Variants in ATP2B2 observed in about 807,000 individuals in gnomAD.
ATP2B2 encodes the protein plasma membrane calcium-transporting ATPase 2.
Under a neutral mutation model 120.0 loss-of-function variants are expected in ATP2B2, and 15 were observed. The observed-to-expected ratio is 0.12, with a 90% CI of 0.08 to 0.19. ATP2B2 has a LOEUF of 0.19. Among genes scored for constraint, ATP2B2 ranks in the 10% least tolerant of loss-of-function variants. The probability of loss-of-function intolerance (pLI) is 1.00; values close to 1 mark genes in which losing one functional copy is unlikely to be tolerated. For missense variants in ATP2B2, 1,045 were observed against 1,719.8 expected (o/e 0.61, Z 6.94); for synonymous variants, 694 against 700.3 (o/e 0.99, Z 0.14).
chr3:10,604,324 A>G (rs2069003375), intron 2 of ATP2B2, among the ~76,000 whole-genome samples: 2 of 152,132 alleles, frequency 1.3e-5, no homozygotes, highest in African/African-American at 2.4e-5. Context: ...CAGCCTCCAC[A>G]TGGCAGGTGG....
At chr3:10,676,532 A>T (rs1318681629) in intron 1 of ATP2B2, among the ~76,000 whole-genome samples, 1 of 152,094 alleles carries the variant, frequency 6.6e-6, no homozygotes, top group Non-Finnish European at 1.5e-5. Flanking sequence ...AACCACACAC[A>T]CACACACACA....
chr3:10,554,770 A>G (rs2067743567), intron 2 of ATP2B2, among the ~76,000 whole-genome samples: 1 of 152,216 alleles, frequency 6.6e-6, no homozygotes. Flanking sequence ...GGCCTTGAAG[A>G]TCACATTTAG....
chr3:10,490,312 A>G (rs568437610), intron 1 of ATP2B2, among the ~76,000 whole-genome samples: 1 of 152,242 alleles, frequency 6.6e-6, no homozygotes, highest in Admixed American at 6.5e-5. Flanking sequence ...CCTCATCTGT[A>G]AAATGGGAAT....
At chr3:10,489,842 C>G (rs551827029) in intron 1 of ATP2B2, among the ~76,000 whole-genome samples, 116 of 152,350 alleles carry the variant, frequency 7.6e-4, no homozygotes, top group South Asian at 2.7e-3. Flanking sequence ...CTTAAAGGGC[C>G]AATCTGGCCA....
intron 1 of ATP2B2, among the ~76,000 whole-genome samples, chr3:10,460,552 G>T (rs1012799515): frequency 6.6e-6 from 1 of 152,198 alleles, no homozygotes; most frequent in African/African-American, 2.4e-5. Context: ...TAGGCGCTGG[G>T]GAAGGCACTG....
intron 2 of ATP2B2, among the ~76,000 whole-genome samples, chr3:10,587,297 C>A (rs896521518): frequency 2.7e-5 from 4 of 150,316 alleles, no homozygotes; most frequent in Non-Finnish European, 5.9e-5. Flanking sequence ...AAAATGAGAC[C>A]CTGTCTCAAT....
chr3:10,496,729 G>A (rs1286903410), intron 1 of ATP2B2, among the ~76,000 whole-genome samples: 3 of 152,036 alleles, frequency 2.0e-5, no homozygotes, highest in African/African-American at 4.8e-5. Context: ...AGGCAGCTTC[G>A]AATTTTAGAC....
At chr3:10,649,316 G>A (rs2070393682) in intron 1 of ATP2B2, among the ~76,000 whole-genome samples, 1 of 152,204 alleles carries the variant, frequency 6.6e-6, no homozygotes, top group Admixed American at 6.5e-5. Flanking sequence ...GGACAGCACA[G>A]TCACAGAATA....
At chr3:10,584,537 G>T (rs1405710539) in intron 2 of ATP2B2, among the ~76,000 whole-genome samples, 2 of 152,146 alleles carry the variant, frequency 1.3e-5, no homozygotes, top group Non-Finnish European at 2.9e-5. Context: ...GAGAAGCACA[G>T]GTCACAGTCC....
chr3:10,669,536 A>G (rs990253093), intron 1 of ATP2B2, among the ~76,000 whole-genome samples: 99 of 152,140 alleles, frequency 6.5e-4, no homozygotes, highest in African/African-American at 2.3e-3. Flanking sequence ...TCACCTGGGG[A>G]GTTACAAATA....
chr3:10,363,681 A>G (rs563212658), intron 12 of ATP2B2, among the ~76,000 whole-genome samples: 147 of 152,312 alleles, frequency 9.7e-4, no homozygotes, highest in African/African-American at 3.4e-3. Flanking sequence ...ACCATAGCAT[A>G]TATCACCCAT....
At chr3:10,577,656 G>T (rs531466795) in intron 2 of ATP2B2, among the ~76,000 whole-genome samples, 8 of 152,322 alleles carry the variant, frequency 5.3e-5, no homozygotes, top group Admixed American at 4.6e-4. Context: ...AGAAGGCCCT[G>T]GGCTGCACAA....
At chr3:10,698,373 G>A (rs1234549875) in intron 1 of ATP2B2, among the ~76,000 whole-genome samples, 1 of 152,198 alleles carries the variant, frequency 6.6e-6, no homozygotes, top group Non-Finnish European at 1.5e-5. Flanking sequence ...TTGATGGCAT[G>A]GATGAGCCAC....
chr3:10,521,448 G>C (rs2066983648), intron 3 of ATP2B2, among the ~76,000 whole-genome samples: 1 of 152,248 alleles, frequency 6.6e-6, no homozygotes, highest in Non-Finnish European at 1.5e-5. Context: ...ATAGCCAGTG[G>C]ATAATGTCGG....
intron 2 of ATP2B2, among the ~76,000 whole-genome samples, chr3:10,429,039 C>T: frequency 6.6e-6 from 1 of 152,224 alleles, no homozygotes; most frequent in African/African-American, 2.4e-5. Flanking sequence ...CTCCTGCAGC[C>T]TCCTGTTGTC....
At chr3:10,557,126 C>T (rs999014393) in intron 2 of ATP2B2, among the ~76,000 whole-genome samples, 1 of 152,208 alleles carries the variant, frequency 6.6e-6, no homozygotes, top group Admixed American at 6.5e-5. Context: ...TAATTGGCAT[C>T]TCTGGCCTCC....
At chr3:10,602,081 C>G (rs1347856594) in intron 2 of ATP2B2, among the ~76,000 whole-genome samples, 1 of 152,210 alleles carries the variant, frequency 6.6e-6, no homozygotes, top group Non-Finnish European at 1.5e-5. Flanking sequence ...CAGCGGCTCT[C>G]CTGGCAGCCA....
At chr3:10,453,110 A>C (rs984831198) in intron 1 of ATP2B2, among the ~76,000 whole-genome samples, 1 of 152,208 alleles carries the variant, frequency 6.6e-6, no homozygotes, top group Non-Finnish European at 1.5e-5. Context: ...AGAAATATCT[A>C]TCTCAGAGAC....
intron 14 of ATP2B2, 107 bp downstream of exon 14, chr3:10,358,584 G>A (rs2060806104): frequency 1.9e-6 from 2 of 1,078,110 alleles, no homozygotes; most frequent in Non-Finnish European, 2.8e-6. Flanking sequence ...TGGGCATTAT[G>A]TGGAAACTGA....
Sources: allele counts gnomAD v4.1 joint callset (sites outside exome capture counted in the v4.1 genomes callset), GRCh38; gene constraint gnomAD v4.1.1; transcripts MANE v1.5; gene names NCBI Gene and HGNC (gene_info 2026-07-23, HGNC 2026-07-21).